The following HHAT variants were observed in gnomAD, a reference collection of about 807,000 sequenced individuals.
The protein encoded by HHAT is hedgehog acyltransferase.
A neutral mutation model predicts 70.8 loss-of-function variants in HHAT; 47 were observed. The ratio of observed to expected loss-of-function variants is 0.66; its 90% CI spans 0.53 to 0.85. HHAT has a LOEUF of 0.85. Among genes scored for constraint, HHAT ranks in the 40% least tolerant of loss-of-function variants. HHAT has a pLI of 0.00. For missense variants in HHAT, 609 were observed against 604.8 expected, an observed-to-expected ratio of 1.01 and a Z score of -0.07; for synonymous variants, 228 against 247.6, an observed-to-expected ratio of 0.92 and a Z score of 0.74.
At chr1:210,436,246 C>T (rs2093372021) in intron 7 of HHAT, among the ~76,000 whole-genome samples, 1 of 151,568 alleles carries the variant, frequency 6.6e-6, no homozygotes, top group South Asian at 2.1e-4. Context: ...TTCTTGGCAC[C>T]CTTGCTGAAA....
Position 210,452,758 on chromosome 1 carries a change from T to C in HHAT, c.857-11747T>C, listed in dbSNP as rs935673225. On this transcript the variant is annotated intron_variant, in intron 7 of 11. Transcript: ENST00000261458. Reference sequence around the variant, plus strand: ...AATTTATTATTGAATGGTGCTTCTCTATGGTAAATCCATGGTAAATCCAGG... The same window carrying C: ...AATTTATTATTGAATGGTGCTTCTCCATGGTAAATCCATGGTAAATCCAGG... 4.6e-5 allele frequency among the ~76,000 whole-genome samples: 7 copies of C among 152,360 alleles called. No homozygotes were observed. In the South Asian group the frequency reaches 1.5e-3, roughly 32 times the overall value.
intron 8 of HHAT, among the ~76,000 whole-genome samples, chr1:210,486,242 A>G (rs2094471027): frequency 6.6e-6 from 1 of 152,196 alleles, no homozygotes; most frequent in South Asian, 2.1e-4. Flanking sequence ...TAGCTATAAC[A>G]TAAGGACATA....
chr1:210,463,966 T>C (rs931761025), intron 7 of HHAT, among the ~76,000 whole-genome samples: 1 of 152,230 alleles, frequency 6.6e-6, no homozygotes, highest in Non-Finnish European at 1.5e-5. Context: ...TGCATAATAA[T>C]TGATACAGGC....
At chr1:210,527,825 A>G (rs2095269546) in intron 9 of HHAT, among the ~76,000 whole-genome samples, 1 of 152,320 alleles carries the variant, frequency 6.6e-6, no homozygotes, top group Non-Finnish European at 1.5e-5. Context: ...GCAAATATTT[A>G]ATAGCACTGC....
intron 8 of HHAT, among the ~76,000 whole-genome samples, chr1:210,480,116 T>A (rs1229781523): frequency 6.6e-6 from 1 of 152,168 alleles, no homozygotes. Flanking sequence ...GTGTGTCTTT[T>A]GACTAAACTG....
At chr1:210,542,818 T>C (rs1255441207) in intron 9 of HHAT, among the ~76,000 whole-genome samples, 3 of 151,968 alleles carry the variant, frequency 2.0e-5, no homozygotes, top group Non-Finnish European at 2.9e-5. Flanking sequence ...AAAAATAAAA[T>C]AATATTGTCT....
At chr1:210,394,454 G>C (rs1997784) in intron 4 of HHAT, among the ~76,000 whole-genome samples, 1 of 152,100 alleles carries the variant, frequency 6.6e-6, no homozygotes, top group African/African-American at 2.4e-5. Flanking sequence ...TCACGGGTCA[G>C]ACAGTTGCCT....
chr1:210,536,206 C>G (rs1366344144), intron 9 of HHAT, among the ~76,000 whole-genome samples: 1 of 152,208 alleles, frequency 6.6e-6, no homozygotes, highest in African/African-American at 2.4e-5. Flanking sequence ...TGTGAAAGTT[C>G]TGGGACATTT....
At chr1:210,646,135 A>G (rs1012910594) in intron 11 of HHAT, among the ~76,000 whole-genome samples, 2 of 152,216 alleles carry the variant, frequency 1.3e-5, no homozygotes, top group Non-Finnish European at 2.9e-5. Flanking sequence ...GTTGCTTTGT[A>G]TACTTTGCAC....
chr1:210,553,516 A>AT (rs756739130), intron 9 of HHAT, among the ~76,000 whole-genome samples: 85 of 152,264 alleles, frequency 5.6e-4, no homozygotes, highest in Admixed American at 5.2e-3. Flanking sequence ...TAAGACCTAA[A>AT]TTTACCCGTC....
chr1:210,646,253 T>C (rs1230204688), intron 11 of HHAT, among the ~76,000 whole-genome samples: 2 of 152,226 alleles, frequency 1.3e-5, no homozygotes, highest in African/African-American at 2.4e-5. Context: ...AGCTGGACTT[T>C]AAGGCCTATT....
intron 9 of HHAT, among the ~76,000 whole-genome samples, chr1:210,576,107 G>A (rs1050193327): frequency 6.6e-6 from 1 of 152,096 alleles, no homozygotes; most frequent in Non-Finnish European, 1.5e-5. Flanking sequence ...TGAATCCATA[G>A]CTTTGACCCC....
chr1:210,362,745 T>C (rs1415725067), intron 2 of HHAT, 107 bp from the exon 3 acceptor site: 3 of 861,158 alleles, frequency 3.5e-6, no homozygotes, highest in South Asian at 1.4e-5. Context: ...CTTAGTCCAC[T>C]GGCTGCTTTT....
At chr1:210,437,684 C>A (rs74464870) in intron 7 of HHAT, among the ~76,000 whole-genome samples, 6 of 151,768 alleles carry the variant, frequency 4.0e-5, no homozygotes, top group Non-Finnish European at 5.9e-5. Context: ...TTTAGACTGC[C>A]GGGCCCTTTT....
At chr1:210,522,981 C>T (rs2095183443) in intron 9 of HHAT, among the ~76,000 whole-genome samples, 1 of 152,136 alleles carries the variant, frequency 6.6e-6, no homozygotes, top group Non-Finnish European at 1.5e-5. Flanking sequence ...GGGGCCATAA[C>T]ACTCCATGCA....
intron 11 of HHAT, among the ~76,000 whole-genome samples, chr1:210,659,098 TG>T (rs1179525756): frequency 1.3e-5 from 2 of 151,986 alleles, no homozygotes; most frequent in African/African-American, 4.8e-5. Flanking sequence ...AGAGCAGAAC[TG>T]AAGGAGATAG....
At chr1:210,454,884 C>G (rs2093830479) in intron 7 of HHAT, among the ~76,000 whole-genome samples, 1 of 152,198 alleles carries the variant, frequency 6.6e-6, no homozygotes, top group African/African-American at 2.4e-5. Flanking sequence ...TCAACTCTCT[C>G]TTGGGTTTCC....
chr1:210,365,905 C>T (rs1169650970), intron 3 of HHAT, among the ~76,000 whole-genome samples: 1 of 149,842 alleles, frequency 6.7e-6, no homozygotes, highest in Non-Finnish European at 1.5e-5. Context: ...CATGAGCCAC[C>T]ATGCCTGGCC....
At chr1:210,656,523 G>A (rs10863848) in intron 11 of HHAT, among the ~76,000 whole-genome samples, 142,352 of 152,150 alleles carry the variant, frequency 0.94, 67,092 homozygotes, top group Non-Finnish European at 1. Flanking sequence ...CTGCTCCCCA[G>A]TGGCTCCATA....
Sources: gnomAD v4.1 joint callset for allele counts (sites outside exome capture counted in the v4.1 genomes callset) on GRCh38, gnomAD v4.1.1 for gene constraint, MANE v1.5 for transcripts, NCBI Gene and HGNC (gene_info 2026-07-23, HGNC 2026-07-21) for gene names.